The following SCN9A variants were observed in gnomAD, a reference collection of about 807,000 sequenced individuals.
SCN9A encodes sodium channel protein type 9 subunit alpha.
A neutral mutation model predicts 187.0 loss-of-function variants in SCN9A; 131 were observed. The ratio of observed to expected loss-of-function variants is 0.70; its 90% CI spans 0.61 to 0.81. The LOEUF is 0.81. Ranked by LOEUF, SCN9A falls within the 30% of genes least tolerant of loss-of-function variation. SCN9A has a pLI of 0.00. For synonymous variants in SCN9A, 809 were observed against 808.6 expected (o/e 1.00, Z -0.01); for missense variants, 2,252 against 2,396.6 (o/e 0.94, Z 1.26).
chr2:166,341,683 A>G (rs114985967), intron 1 of SCN9A, among the ~76,000 whole-genome samples: 3 of 152,330 alleles, frequency 2.0e-5, no homozygotes, highest in South Asian at 4.1e-4. Flanking sequence ...GAAAGATCCA[A>G]TTACAAAGTC....
intron 1 of SCN9A, among the ~76,000 whole-genome samples, chr2:166,364,998 A>T (rs1370853152): frequency 6.6e-6 from 1 of 152,170 alleles, no homozygotes; most frequent in Non-Finnish European, 1.5e-5. Context: ...GTAGTCATTT[A>T]TATCTATGCA....
rs77184261 is a variant in SCN9A at position 166,267,727 on chromosome 2, A to G, written c.3351+4672T>C. ...CTAGGAGAGATTTTATTACTGATTCAATCTTGTTACTCATTATTGGTCTGT... is the reference window on the plus strand; with the variant it reads ...CTAGGAGAGATTTTATTACTGATTCGATCTTGTTACTCATTATTGGTCTGT... On this transcript the variant is annotated intron_variant, in intron 17 of 26. Transcript: ENST00000642356. Among the ~76,000 whole-genome samples the G allele has an allele frequency of 8.7e-3, 1,323 of 151,996 alleles. 16 individuals are homozygous for G. The highest frequency in any genetic ancestry group is 0.056 in the South Asian group (269 of 4,818).
At chr2:166,212,907 C>T (rs908708875) in intron 24 of SCN9A, among the ~76,000 whole-genome samples, 3 of 151,756 alleles carry the variant, frequency 2.0e-5, no homozygotes, top group Non-Finnish European at 1.5e-5. Flanking sequence ...GAAAAAAAAT[C>T]AATAGGAAAA....
chr2:166,313,041 G>A (rs1699012815), intron 1 of SCN9A, among the ~76,000 whole-genome samples: 1 of 113,144 alleles, frequency 8.8e-6, no homozygotes, highest in South Asian at 2.8e-4. Context: ...TTAATTTTCT[G>A]AATAGTAAAG....
In SCN9A at chr2:166,238,810, A is replaced by G. The variant is rs1351543052; in HGVS notation, c.3628-543T>C. Among the ~76,000 whole-genome samples the G allele has an allele frequency of 1.3e-4, 19 of 151,062 alleles. No homozygotes were observed. The Admixed American group carries it at 1.3e-3, about 10-fold the overall frequency. Reference sequence around the variant, plus strand: ...GTAGCTTAATAGGCCTATAGAACACAGAGGGTGCTTTTTCCTTTGACTATT... The same window carrying G: ...GTAGCTTAATAGGCCTATAGAACACGGAGGGTGCTTTTTCCTTTGACTATT... On this transcript the variant is annotated intron_variant, in intron 19 of 26. Transcript: ENST00000642356.
At chr2:166,314,583 T>C (rs560539816) in intron 1 of SCN9A, among the ~76,000 whole-genome samples, 1 of 152,240 alleles carries the variant, frequency 6.6e-6, no homozygotes, top group South Asian at 2.1e-4. Flanking sequence ...AATAAATGGA[T>C]AAAGGAATGT....
At chr2:166,270,348 G>A (rs1199075163) in intron 17 of SCN9A, among the ~76,000 whole-genome samples, 1 of 151,838 alleles carries the variant, frequency 6.6e-6, no homozygotes. Flanking sequence ...GAGGATGTGT[G>A]TAGGTTTTAT....
chr2:166,345,557 T>C (rs943314376), intron 1 of SCN9A, among the ~76,000 whole-genome samples: 1 of 151,936 alleles, frequency 6.6e-6, no homozygotes, highest in Non-Finnish European at 1.5e-5. Flanking sequence ...GTTTATTGAT[T>C]GATATAAAAC....
In SCN9A at chr2:166,306,546, G is replaced by A. The variant is rs748032198; in HGVS notation, c.431C>T (p.Thr144Ile). 4 of 1,581,240 alleles carry A rather than the reference G, an allele frequency of 2.5e-6. 1 individual carries two copies. In the South Asian group the frequency reaches 3.5e-5, roughly 14 times the overall value. The change falls in exon 4 of 27, where the codon ACC (threonine) becomes ATC (isoleucine). Residue 144 changes from threonine to isoleucine, a missense_variant. Physicochemically the swap from Thr to Ile is moderately conservative, Grantham distance 89 (BLOSUM62 -1). Coordinates refer to ENST00000642356, the MANE Select transcript of SCN9A (RefSeq NM_001365536.1). ...GGTCCAGTCCGGTGGGTTATTCATG[G>A]TCATAAATATGCAGTTTGTCAGAAT... The part of the protein sequence containing the change: ...CTILTNCIFM[T>I]MNNPPDWTKN...
At position 166,284,688 on chromosome 2, in the gene SCN9A, T is replaced by G. The variant is rs1559010553; in HGVS notation, c.1739A>C (p.Asp580Ala). The G allele has an allele frequency of 1.2e-6, 2 of 1,613,802 alleles. No individual in the cohort carries two copies. Among genetic ancestry groups the G allele is most frequent in the Non-Finnish European group, 1.7e-6 (2 of 1,179,874 alleles). The change falls in exon 12 of 27, where the codon GAC (aspartate) becomes GCC (alanine). Residue 580 changes from aspartate to alanine, a missense_variant. Asp to Ala is a moderately radical substitution (Grantham distance 126, BLOSUM62 -2). This residue lies in a region of SCN9A where 1,013 missense variants were observed against 997.4 expected (regional missense o/e 1.02). Coordinates refer to ENST00000642356, the MANE Select transcript of SCN9A (RefSeq NM_001365536.1). ...FADDEHSIFG[D>A]NESRRGSLFV... Reference sequence around the variant, plus strand: ...CAGTGAGCCCCTTCTGCTCTCATTGTCTCCAAAAATGCTGTGCTCATCATC... The same window carrying G: ...CAGTGAGCCCCTTCTGCTCTCATTGGCTCCAAAAATGCTGTGCTCATCATC...
intron 18 of SCN9A, among the ~76,000 whole-genome samples, chr2:166,248,610 T>A (rs911646982): frequency 2.6e-5 from 4 of 151,988 alleles, no homozygotes; most frequent in African/African-American, 9.7e-5. Context: ...AAATGTCTTA[T>A]AATCTGGCCT....
Position 166,331,096 on chromosome 2 carries a change from C to T in SCN9A, c.-50-19290G>A, listed in dbSNP as rs562492571. Among the ~76,000 whole-genome samples, 63 of 152,228 alleles carry T rather than the reference C, an allele frequency of 4.1e-4. 1 individual carries two copies. The highest frequency in any genetic ancestry group is 1.5e-3 in the African/African-American group (61 of 41,546). ...TGAGAACAAAAATTAAATAAGTTGT[C>T]TCTGTATTAAAAATAATTAACCAAT... On this transcript the variant is annotated intron_variant, in intron 1 of 26. Transcript: ENST00000642356.
chr2:166,317,983 T>C (rs1699147728), intron 1 of SCN9A, among the ~76,000 whole-genome samples: 1 of 152,218 alleles, frequency 6.6e-6, no homozygotes, highest in South Asian at 2.1e-4. Context: ...CAGATTTCTA[T>C]GGCAAATATG....
At chr2:166,274,337 A>G (rs886680903) in intron 16 of SCN9A, among the ~76,000 whole-genome samples, 7 of 152,192 alleles carry the variant, frequency 4.6e-5, no homozygotes, top group Admixed American at 3.3e-4. Context: ...AGAAATATTA[A>G]TAAAATGTAT....
chr2:166,260,242 G>A (rs1696450678), intron 17 of SCN9A, among the ~76,000 whole-genome samples: 1 of 151,792 alleles, frequency 6.6e-6, no homozygotes, highest in African/African-American at 2.4e-5. Flanking sequence ...ATAATAATAA[G>A]CATATTTAAG....
In SCN9A at chr2:166,368,686, TA is replaced by T. The variant is rs67339035; in HGVS notation, c.-51+7010del. 2.7e-3 allele frequency among the ~76,000 whole-genome samples: 362 copies of T among 134,540 alleles called. 6 individuals carry two copies. Among genetic ancestry groups the T allele is most frequent in the Admixed American group, 0.01 (137 of 13,482 alleles). The allele number at this position is 134,540 out of a possible 152,430, so 88.3% of individuals were successfully genotyped here. A position where few individuals can be genotyped will look rare whatever the true frequency, so the allele number is the denominator to read the frequency against. On this transcript the variant is annotated intron_variant, in intron 1 of 26. Coordinates refer to ENST00000642356, the MANE Select transcript of SCN9A (RefSeq NM_001365536.1). ...CTGCAAATGTACCTTGAAACTTAAT[TA>T]AAAAAAAAAAAAAAAAGAGGCTGGG...
At chr2:166,338,814 T>G (rs1266422268) in intron 1 of SCN9A, among the ~76,000 whole-genome samples, 1 of 152,126 alleles carries the variant, frequency 6.6e-6, no homozygotes, top group Non-Finnish European at 1.5e-5. Context: ...GTTCACTGAA[T>G]TTTTCAATTC....
At position 166,284,658 on chromosome 2, in the gene SCN9A, A is replaced by C; in HGVS notation, c.1769T>G (p.Val590Gly). 1 of 1,613,948 alleles carries C rather than the reference A, an allele frequency of 6.2e-7. No individual in the cohort carries two copies. Among genetic ancestry groups the C allele is most frequent in the Non-Finnish European group, 8.5e-7 (1 of 1,179,834 alleles). ...DNESRRGSLF[V>G]PHRPQERRSS... ...GCGTCGCTCCTGGGGTCTGTGGGGC[A>C]CAAACAGTGAGCCCCTTCTGCTCTC... The change falls in exon 12 of 27, where the codon GTG (valine) becomes GGG (glycine). Residue 590 changes from valine (V) to glycine (G), a missense_variant. Transcript: ENST00000642356.
intron 15 of SCN9A, 156 bp downstream of exon 15, chr2:166,277,981 CTTT>C: frequency 1.8e-6 from 1 of 564,674 alleles, no homozygotes; most frequent in Non-Finnish European, 3.0e-6. Context: ...GGTTTTAGTT[CTTT>C]AAGTGCATTT....
Sources: gnomAD v4.1 joint callset for allele counts (sites outside exome capture counted in the v4.1 genomes callset) on GRCh38, gnomAD v4.1.1 for gene constraint, gnomAD v4.1.1 regional missense constraint, MANE v1.5 for transcripts, NCBI Gene and HGNC (gene_info 2026-07-23, HGNC 2026-07-21) for gene names.